Variants in ARHGEF4 observed in about 807,000 individuals in gnomAD.
ARHGEF4 encodes APC-stimulated guanine nucleotide exchange factor 1.
In ARHGEF4, 119 loss-of-function variants were observed where a neutral mutation model predicts 162.0. The observed-to-expected ratio is 0.73, with a 90% CI of 0.63 to 0.86. ARHGEF4 has a LOEUF of 0.86. Among genes scored for constraint, ARHGEF4 ranks in the 40% least tolerant of loss-of-function variants. The probability of loss-of-function intolerance (pLI) is 0.00; values close to 1 mark genes in which losing one functional copy is unlikely to be tolerated. For missense variants in ARHGEF4, 2,488 were observed against 2,456.0 expected, an observed-to-expected ratio of 1.01 and a Z score of -0.28; for synonymous variants, 1,014 against 979.9, an observed-to-expected ratio of 1.03 and a Z score of -0.65.
At chr2:130,940,700 G>A (rs1488431765) in intron 3 of ARHGEF4, among the ~76,000 whole-genome samples, 2 of 150,188 alleles carry the variant, frequency 1.3e-5, no homozygotes, top group South Asian at 2.1e-4. Context: ...GCGTGGTGGC[G>A]GGCGCCTGTA....
Position 131,040,197 on chromosome 2 carries a change from G to A in ARHGEF4, c.4482+5G>A. ...CACCTGCGCGACATCTGCGAGGTGA[G>A]GCCCGGCCGGCGGGCGGTGACTGGG... On this transcript the variant is annotated splice_donor_5th_base_variant and intron_variant, in intron 7 of 13. Transcript: ENST00000409359. The A allele has an allele frequency of 6.2e-7, 1 of 1,609,286 alleles. No individual in the cohort carries two copies. The highest frequency in any genetic ancestry group is 1.1e-5 in the South Asian group (1 of 90,798).
chr2:130,847,006 C>A (rs1393304103), intron 1 of ARHGEF4, among the ~76,000 whole-genome samples: 5 of 152,204 alleles, frequency 3.3e-5, no homozygotes, highest in African/African-American at 1.2e-4. Context: ...ATTTGATTCT[C>A]CAGAGGAGGC....
intron 4 of ARHGEF4, among the ~76,000 whole-genome samples, chr2:130,993,220 A>G (rs1285013965): frequency 6.6e-6 from 1 of 152,200 alleles, no homozygotes; most frequent in East Asian, 1.9e-4. Context: ...CAGTTTGAAT[A>G]TTTTCTAATT....
intron 4 of ARHGEF4, among the ~76,000 whole-genome samples, chr2:131,012,368 T>C (rs994284843): frequency 3.9e-5 from 6 of 152,176 alleles, no homozygotes; most frequent in Non-Finnish European, 7.4e-5. Context: ...TAGAGCTTCC[T>C]TTGACCACCC....
In ARHGEF4 at chr2:130,914,616, A is replaced by G; in HGVS notation, c.670A>G (p.Ile224Val). Residue 224 changes from isoleucine (I) to valine (V), a missense_variant, in exon 2 of 14, where the codon ATC becomes GTC. This residue lies in a region of ARHGEF4 where 81 missense variants were observed against 125.8 expected (regional missense o/e 0.64). Transcript: ENST00000409359. ...ATCCAGGTCTGAGAGCTATCTGGGC[A>G]TCCCAGTGGTCTGGCCCTTCCTTCT... is the stretch of plus-strand genomic sequence containing the variant. ...QKSRSESYLG[I>V]PVVWPFLLWC... 1 of 1,391,824 alleles carries G rather than the reference A, an allele frequency of 7.2e-7. No homozygotes were observed. The highest frequency in any genetic ancestry group is 9.3e-7 in the Non-Finnish European group (1 of 1,079,768). 86.2% of individuals were successfully genotyped at this position (1,391,824 alleles called of 1,614,324 possible).
At chr2:130,956,275 A>G (rs1684267848) in intron 4 of ARHGEF4, among the ~76,000 whole-genome samples, 1 of 152,160 alleles carries the variant, frequency 6.6e-6, no homozygotes, top group Non-Finnish European at 1.5e-5. Flanking sequence ...ATGAGATACC[A>G]TCTCACACCA....
At chr2:130,887,971 G>C (rs949001026) in intron 1 of ARHGEF4, among the ~76,000 whole-genome samples, 1 of 152,096 alleles carries the variant, frequency 6.6e-6, no homozygotes, top group African/African-American at 2.4e-5. Context: ...CATGCTGTGT[G>C]CCTGGAAATG....
intron 1 of ARHGEF4, among the ~76,000 whole-genome samples, chr2:130,877,098 C>A (rs989425206): frequency 5.3e-4 from 81 of 152,288 alleles, no homozygotes; most frequent in African/African-American, 1.8e-3. Context: ...CAGGCTCCAA[C>A]CCGCTCTCCG....
At chr2:130,929,757 G>T in intron 2 of ARHGEF4, 1 of 200,138 alleles carries the variant, frequency 5.0e-6, no homozygotes, top group South Asian at 1.1e-4. Context: ...TGTACAACTG[G>T]AGTAGAGTGT....
At chr2:130,902,394 G>GAAC (rs921893962) in intron 1 of ARHGEF4, among the ~76,000 whole-genome samples, 2 of 152,128 alleles carry the variant, frequency 1.3e-5, no homozygotes, top group African/African-American at 4.8e-5. Flanking sequence ...AGGAGCTTGA[G>GAAC]AACAGCCTGG....
At chr2:130,877,812 A>G (rs1417571624) in intron 1 of ARHGEF4, among the ~76,000 whole-genome samples, 1 of 152,142 alleles carries the variant, frequency 6.6e-6, no homozygotes, top group Non-Finnish European at 1.5e-5. Context: ...ACTATCTGAC[A>G]TGTAATTATT....
Position 130,852,180 on chromosome 2 carries a change from C to CT in ARHGEF4, c.39+15189dup, listed in dbSNP as rs1236591368. 2.6e-4 allele frequency among the ~76,000 whole-genome samples: 40 copies of CT among 152,232 alleles called. 1 individual carries two copies. Among genetic ancestry groups the CT allele is most frequent in the Non-Finnish European group, 5.6e-4 (38 of 68,048 alleles). On this transcript the variant is annotated intron_variant, in intron 1 of 13. Transcript: ENST00000409359. ...GGGGATGCAGAGGCTCAGGCAGGCC[C>CT]TCCCTTCTGACGAGCTCATGGGTCT...
At chr2:130,910,911 T>TTA (rs1241820731) in intron 1 of ARHGEF4, among the ~76,000 whole-genome samples, 3 of 152,182 alleles carry the variant, frequency 2.0e-5, no homozygotes, top group Non-Finnish European at 2.9e-5. Context: ...GCCAAGATAA[T>TTA]GGACATACCA....
At chr2:130,967,950 G>A (rs1029844447) in intron 4 of ARHGEF4, among the ~76,000 whole-genome samples, 6 of 152,230 alleles carry the variant, frequency 3.9e-5, no homozygotes, top group Non-Finnish European at 5.9e-5. Flanking sequence ...TGTGACACCT[G>A]TGAAATATTG....
At chr2:130,876,984 A>G (rs1227202695) in intron 1 of ARHGEF4, among the ~76,000 whole-genome samples, 2 of 152,204 alleles carry the variant, frequency 1.3e-5, no homozygotes, top group Admixed American at 1.3e-4. Context: ...TGATAGAGTA[A>G]AATAAAAGGG....
At chr2:130,937,829 G>A (rs879718763) in intron 3 of ARHGEF4, among the ~76,000 whole-genome samples, 1 of 151,948 alleles carries the variant, frequency 6.6e-6, no homozygotes, top group Non-Finnish European at 1.5e-5. Flanking sequence ...CACCATGCCC[G>A]GCTAATTTTT....
At position 131,004,266 on chromosome 2, in the gene ARHGEF4, T is replaced by C. The variant is rs7579178; in HGVS notation, c.3986-23679T>C. Among the ~76,000 whole-genome samples the C allele has an allele frequency of 4.0e-3, 614 of 152,244 alleles. 8 individuals carry two copies. The highest frequency in any genetic ancestry group is 0.014 in the African/African-American group (585 of 41,558). Reference sequence around the variant, plus strand: ...CTGCAAGCTCCACCTCCAGGGTTCATGCCATTCTCCTGCCTCAGCTTCCCG... The same window carrying C: ...CTGCAAGCTCCACCTCCAGGGTTCACGCCATTCTCCTGCCTCAGCTTCCCG... On this transcript the variant is annotated intron_variant, in intron 4 of 13. Transcript: ENST00000409359.
intron 4 of ARHGEF4, among the ~76,000 whole-genome samples, chr2:130,998,164 T>A (rs1573567224): frequency 6.6e-6 from 1 of 152,364 alleles, no homozygotes; most frequent in East Asian, 1.9e-4. Context: ...ATACTTATTG[T>A]AGTATTTATA....
chr2:130,886,597 C>T (rs1446896478), intron 1 of ARHGEF4, among the ~76,000 whole-genome samples: 1 of 150,716 alleles, frequency 6.6e-6, no homozygotes, highest in Admixed American at 6.6e-5. Flanking sequence ...AGGAGAATGG[C>T]GGGAACCCGG....
Sources: allele counts gnomAD v4.1 joint callset (sites outside exome capture counted in the v4.1 genomes callset), GRCh38; gene constraint gnomAD v4.1.1; regional missense constraint gnomAD v4.1.1; transcripts MANE v1.5; gene names NCBI Gene and HGNC (gene_info 2026-07-23, HGNC 2026-07-21).